The following CAMK2G variants were observed in gnomAD, a reference collection of about 807,000 sequenced individuals.
The protein encoded by CAMK2G is calcium/calmodulin dependent protein kinase II gamma.
In CAMK2G, 23 loss-of-function variants were observed where a neutral mutation model predicts 88.7. That is an observed-to-expected ratio of 0.26 (90% CI 0.19 to 0.37). The LOEUF (loss-of-function observed/expected upper bound fraction) is 0.37, where lower values mean the gene tolerates loss of function less well. CAMK2G is among the 10% of genes least tolerant of loss of function. The pLI is 1.00. For missense variants in CAMK2G, 476 were observed against 780.8 expected (o/e 0.61, Z 4.65); for synonymous variants, 263 against 294.8 (o/e 0.89, Z 1.11).
intron 13 of CAMK2G, 124 bp from the exon 14 acceptor site, chr10:73,837,635 C>T: frequency 1.2e-6 from 1 of 812,802 alleles, no homozygotes; most frequent in Non-Finnish European, 2.2e-6. Flanking sequence ...TCCCGAAACC[C>T]CCAAAAGAGG....
At chr10:73,824,829 G>A (rs1330615823) in intron 16 of CAMK2G, among the ~76,000 whole-genome samples, 2 of 152,214 alleles carry the variant, frequency 1.3e-5, no homozygotes, top group African/African-American at 4.8e-5. Flanking sequence ...ATCCAGAGGT[G>A]GGGACCCCAG....
chr10:73,873,453 G>A (rs2136055991), intron 1 of CAMK2G: 2 of 1,087,664 alleles, frequency 1.8e-6, no homozygotes, highest in Non-Finnish European at 2.2e-6. Context: ...GGAGCAGAGA[G>A]ACCCTGCCCT....
chr10:73,873,395 G>A, intron 1 of CAMK2G: 5 of 1,249,306 alleles, frequency 4.0e-6, no homozygotes, highest in Non-Finnish European at 5.1e-6. Context: ...CACACCTGCT[G>A]CATCTCAGAC....
chr10:73,833,549 T>C (rs1017358418), intron 14 of CAMK2G, among the ~76,000 whole-genome samples: 2 of 152,070 alleles, frequency 1.3e-5, no homozygotes, highest in African/African-American at 4.8e-5. Context: ...TATCCAGTTC[T>C]ACTTCCTTGT....
At chr10:73,862,725 G>C (rs560774989) in intron 2 of CAMK2G, among the ~76,000 whole-genome samples, 3 of 152,362 alleles carry the variant, frequency 2.0e-5, no homozygotes, top group Non-Finnish European at 4.4e-5. Flanking sequence ...TGAGAGTTGA[G>C]TTAAGACTCT....
At chr10:73,873,387 C>T in intron 1 of CAMK2G, 1 of 1,267,224 alleles carries the variant, frequency 7.9e-7, no homozygotes, top group Non-Finnish European at 1.0e-6. Context: ...TGAAAACACA[C>T]ACCTGCTGCA....
At chr10:73,835,352 G>A (rs1162935616) in intron 14 of CAMK2G, among the ~76,000 whole-genome samples, 3 of 151,506 alleles carry the variant, frequency 2.0e-5, no homozygotes, top group Non-Finnish European at 2.9e-5. Flanking sequence ...GGAGAGTGCA[G>A]TGGCTTGATC....
At chr10:73,818,396 A>G (rs765020203) in intron 19 of CAMK2G, 3 of 300,670 alleles carry the variant, frequency 1.0e-5, no homozygotes, top group Non-Finnish European at 2.0e-5. Flanking sequence ...CTTCTCTTAT[A>G]GGGAATGCCA....
chr10:73,865,747 GC>G (rs1369392189), intron 2 of CAMK2G, among the ~76,000 whole-genome samples: 4 of 152,158 alleles, frequency 2.6e-5, no homozygotes, highest in Non-Finnish European at 2.9e-5. Context: ...ATCTCAAGGT[GC>G]TGCAAAGGTG....
chr10:73,816,783 T>C (rs1384279915), intron 21 of CAMK2G: 19 of 1,486,328 alleles, frequency 1.3e-5, no homozygotes, highest in Non-Finnish European at 1.5e-5. Flanking sequence ...TTGATTGTGG[T>C]GACTGGCACT....
At chr10:73,871,267 G>A (rs575175732) in intron 2 of CAMK2G, among the ~76,000 whole-genome samples, 1 of 152,290 alleles carries the variant, frequency 6.6e-6, no homozygotes, top group East Asian at 1.9e-4. Flanking sequence ...GGTGAGGAAG[G>A]GAAAGGGAGG....
At position 73,828,214 on chromosome 10, in the gene CAMK2G, C is replaced by T; in HGVS notation, c.1054-93G>A. 1.3e-5 allele frequency: 14 copies of T among 1,051,100 alleles called. 1 individual carries two copies. Among genetic ancestry groups the T allele is most frequent in the South Asian group, 2.6e-5 (2 of 77,512 alleles). 65.1% of individuals were successfully genotyped at this position (1,051,100 alleles called of 1,614,324 possible). On this transcript the variant is annotated intron_variant, in intron 14 of 22. Transcript: ENST00000423381. ...CTGCAGGTTAGCGCACCAGTGTGGG[C>T]TCTGCATCAGGGAGAAAAGAGCGGA...
intron 15 of CAMK2G, among the ~76,000 whole-genome samples, chr10:73,825,882 G>T (rs1028733508): frequency 6.6e-6 from 1 of 152,226 alleles, no homozygotes; most frequent in Non-Finnish European, 1.5e-5. Flanking sequence ...GAGGATGGGG[G>T]TGGAAGTCCC....
chr10:73,833,365 G>A (rs1355694135), intron 14 of CAMK2G, among the ~76,000 whole-genome samples: 1 of 152,076 alleles, frequency 6.6e-6, no homozygotes, highest in Non-Finnish European at 1.5e-5. Flanking sequence ...CTCAGAAGTA[G>A]AATTAACAGG....
intron 21 of CAMK2G, among the ~76,000 whole-genome samples, 160 bp from the exon 22 acceptor site, chr10:73,815,407 G>A (rs1204301584): frequency 7.1e-6 from 1 of 140,880 alleles, no homozygotes; most frequent in Non-Finnish European, 1.5e-5. Context: ...GCCCTCCAGA[G>A]GCCAGGATGC....
At chr10:73,835,902 T>C (rs1418502982) in intron 14 of CAMK2G, among the ~76,000 whole-genome samples, 2 of 152,210 alleles carry the variant, frequency 1.3e-5, no homozygotes, top group Admixed American at 1.3e-4. Flanking sequence ...TGGCGCAATC[T>C]TGGCTCACTG....
chr10:73,834,589 C>T (rs1055885004), intron 14 of CAMK2G, among the ~76,000 whole-genome samples: 1 of 152,202 alleles, frequency 6.6e-6, no homozygotes, highest in Admixed American at 6.5e-5. Flanking sequence ...TTTCCTTTGC[C>T]GACTCTTGTT....
At chr10:73,855,087 GGAA>G (rs530789218) in intron 3 of CAMK2G, among the ~76,000 whole-genome samples, 224 of 152,218 alleles carry the variant, frequency 1.5e-3, no homozygotes, top group Admixed American at 2.4e-3. Context: ...TAGGACAGGA[GGAA>G]GGAGCCAGCG....
chr10:73,853,779 T>C (rs1020548083), intron 3 of CAMK2G, among the ~76,000 whole-genome samples: 1 of 152,174 alleles, frequency 6.6e-6, no homozygotes, highest in Admixed American at 6.5e-5. Context: ...ATTCAGGCAA[T>C]GACAACAATA....
Sources: allele counts gnomAD v4.1 joint callset (sites outside exome capture counted in the v4.1 genomes callset), GRCh38; gene constraint gnomAD v4.1.1; transcripts MANE v1.5; gene names NCBI Gene and HGNC (gene_info 2026-07-23, HGNC 2026-07-21).